Variants in CSMD1 observed in about 807,000 individuals in gnomAD.
CSMD1 encodes CUB and Sushi multiple domains 1, also known as CUB and sushi domain-containing protein 1.
CSMD1 carries 213 observed loss-of-function variants against 417.5 expected under a neutral mutation model. The observed-to-expected ratio is 0.51, with a 90% confidence interval of 0.46 to 0.57. The LOEUF (loss-of-function observed/expected upper bound fraction) is 0.57, where lower values mean the gene tolerates loss of function less well. Among genes scored for constraint, CSMD1 ranks in the 20% least tolerant of loss-of-function variants. CSMD1 has a pLI of 0.00. For missense variants in CSMD1, 6,923 were observed against 4,529.7 expected (o/e 1.53, Z -15.17); for synonymous variants, 2,862 against 1,736.8 (o/e 1.65, Z -16.11).
intron 3 of CSMD1, among the ~76,000 whole-genome samples, chr8:4,236,029 T>C (rs1802027918): frequency 2.0e-4 from 3 of 15,282 alleles, no homozygotes; most frequent in Non-Finnish European, 4.3e-4. Context: ...GGATATTGTT[T>C]TTTTTGTTTG....
chr8:4,839,961 G>T (rs889555490), intron 1 of CSMD1, among the ~76,000 whole-genome samples: 2 of 152,194 alleles, frequency 1.3e-5, no homozygotes, highest in East Asian at 3.8e-4. Context: ...AAAGTCTTCA[G>T]TGTTTGCAAG....
In CSMD1 at chr8:4,378,923, C is replaced by A. The variant is rs554844420; in HGVS notation, c.415+41030G>T. Among the ~76,000 whole-genome samples the A allele has an allele frequency of 2.0e-5, 3 of 152,258 alleles. No homozygotes were observed. The South Asian group carries it at 6.2e-4, about 32-fold the overall frequency. ...GCTTGGGTCTTGGACTTCCCAGCCC[C>A]TGGAATTGTGATAAATTCCTATTAT... is the stretch of plus-strand genomic sequence containing the variant. On this transcript the variant is annotated intron_variant, in intron 3 of 69. Coordinates refer to ENST00000635120, the MANE Select transcript of CSMD1 (RefSeq NM_033225.6).
At chr8:4,024,940 G>T (rs182910215) in intron 4 of CSMD1, among the ~76,000 whole-genome samples, 75 of 152,328 alleles carry the variant, frequency 4.9e-4, no homozygotes, top group Admixed American at 1.0e-3. Flanking sequence ...TCAGGTGAGG[G>T]AGCATGAATC....
chr8:4,029,212 T>C (rs908815947), intron 4 of CSMD1, among the ~76,000 whole-genome samples: 27 of 152,252 alleles, frequency 1.8e-4, no homozygotes, highest in African/African-American at 6.5e-4. Flanking sequence ...GTGATGAAAA[T>C]AGGCAGAAAT....
chr8:4,582,850 G>C (rs1390256466), intron 2 of CSMD1, among the ~76,000 whole-genome samples: 1 of 152,226 alleles, frequency 6.6e-6, no homozygotes, highest in Non-Finnish European at 1.5e-5. Context: ...GTGGGAACCA[G>C]GGCTGTGCGA....
At chr8:4,554,267 G>C (rs1797996544) in intron 2 of CSMD1, among the ~76,000 whole-genome samples, 1 of 152,060 alleles carries the variant, frequency 6.6e-6, no homozygotes, top group Non-Finnish European at 1.5e-5. Flanking sequence ...CTCCTGAGTA[G>C]CTGAGACTAC....
intron 1 of CSMD1, among the ~76,000 whole-genome samples, chr8:4,738,422 G>A (rs1028354044): frequency 6.6e-6 from 1 of 152,248 alleles, no homozygotes; most frequent in Non-Finnish European, 1.5e-5. Flanking sequence ...AGGGCTGAGC[G>A]AAGGGGGAAA....
intron 1 of CSMD1, among the ~76,000 whole-genome samples, chr8:4,946,178 T>TAAAA (rs1808356376): frequency 1.3e-5 from 2 of 152,186 alleles, no homozygotes. Flanking sequence ...TGATACTCCG[T>TAAAA]GTTGTTTTGG....
intron 1 of CSMD1, chr8:4,787,813 G>A: frequency 1.9e-6 from 3 of 1,573,010 alleles, no homozygotes; most frequent in Non-Finnish European, 2.6e-6. Flanking sequence ...CATGAGTCAT[G>A]CTACACAGGC....
intron 7 of CSMD1, among the ~76,000 whole-genome samples, chr8:3,635,238 A>G (rs1187619054): frequency 2.6e-5 from 4 of 151,966 alleles, no homozygotes; most frequent in Admixed American, 6.6e-5. Flanking sequence ...CACTTTCAGA[A>G]TCCTAGGTGG....
At chr8:3,865,169 G>A (rs948035616) in intron 5 of CSMD1, among the ~76,000 whole-genome samples, 1 of 152,176 alleles carries the variant, frequency 6.6e-6, no homozygotes, top group Non-Finnish European at 1.5e-5. Context: ...GATTCCTTGG[G>A]TGTAGAGGCA....
chr8:4,589,823 T>C (rs899835396), intron 2 of CSMD1, among the ~76,000 whole-genome samples: 1 of 152,218 alleles, frequency 6.6e-6, no homozygotes, highest in Non-Finnish European at 1.5e-5. Flanking sequence ...AAGAATACTT[T>C]GGCAGTTTCT....
intron 25 of CSMD1, among the ~76,000 whole-genome samples, chr8:3,294,353 C>T (rs1029384034): frequency 6.6e-5 from 10 of 152,340 alleles, no homozygotes; most frequent in African/African-American, 2.4e-4. Flanking sequence ...TCAAAGCTGT[C>T]AGACAGGGAC....
chr8:4,263,450 T>C (rs1354651501), intron 3 of CSMD1, among the ~76,000 whole-genome samples: 1 of 152,216 alleles, frequency 6.6e-6, no homozygotes, highest in Non-Finnish European at 1.5e-5. Flanking sequence ...CTTTTAGATT[T>C]GTGACATAGT....
intron 5 of CSMD1, among the ~76,000 whole-genome samples, chr8:3,937,702 A>C (rs1258915150): frequency 6.6e-6 from 1 of 152,198 alleles, no homozygotes; most frequent in Non-Finnish European, 1.5e-5. Context: ...CAGACATCTT[A>C]TCAGACATTA....
intron 3 of CSMD1, among the ~76,000 whole-genome samples, chr8:4,037,622 A>C (rs79566183): frequency 0.018 from 1,811 of 98,776 alleles, 38 homozygotes; most frequent in East Asian, 0.088. Flanking sequence ...TAGGTCTCTT[A>C]TATTTATCAG....
chr8:3,715,049 C>T (rs1227762416), intron 6 of CSMD1, among the ~76,000 whole-genome samples: 1 of 152,174 alleles, frequency 6.6e-6, no homozygotes, highest in East Asian at 1.9e-4. Context: ...GACACAATTA[C>T]ATAATCCCCT....
chr8:3,839,272 T>A (rs1469706856), intron 5 of CSMD1, among the ~76,000 whole-genome samples: 1 of 124,520 alleles, frequency 8.0e-6, no homozygotes, highest in Non-Finnish European at 1.6e-5. Flanking sequence ...TATATACTAT[T>A]AATATATAAT....
chr8:4,429,907 G>C (rs1438201), intron 2 of CSMD1, among the ~76,000 whole-genome samples: 54,739 of 151,670 alleles, frequency 0.36, 10,078 homozygotes, highest in South Asian at 0.44. Flanking sequence ...GCCAAGACTT[G>C]GGGATTCAAT....
Sources: gnomAD v4.1 joint callset for allele counts (sites outside exome capture counted in the v4.1 genomes callset) on GRCh38, gnomAD v4.1.1 for gene constraint, MANE v1.5 for transcripts, NCBI Gene and HGNC (gene_info 2026-07-23, HGNC 2026-07-21) for gene names.